ODAD2: variants seen among roughly 807,000 people sequenced by gnomAD.
The protein encoded by ODAD2 is outer dynein arm-docking complex subunit 2.
Under a neutral mutation model 106.8 loss-of-function variants are expected in ODAD2, and 89 were observed. The ratio of observed to expected loss-of-function variants is 0.83; its 90% CI spans 0.70 to 0.99. The LOEUF (loss-of-function observed/expected upper bound fraction) is 0.99. Ranked by LOEUF, ODAD2 falls within the 50% of genes least tolerant of loss-of-function variation. The probability of loss-of-function intolerance (pLI) is 0.00; values close to 1 mark genes in which losing one functional copy is unlikely to be tolerated. For synonymous variants in ODAD2, 404 were observed against 436.2 expected, an observed-to-expected ratio of 0.93 and a Z score of 0.92; for missense variants, 1,168 against 1,238.5, an observed-to-expected ratio of 0.94 and a Z score of 0.85.
intron 19 of ODAD2, among the ~76,000 whole-genome samples, chr10:27,824,135 T>G (rs1408038903): frequency 1.5e-5 from 1 of 64,722 alleles, no homozygotes; most frequent in Non-Finnish European, 2.3e-5. Flanking sequence ...CGAGACTCCG[T>G]CTCAAAAAAA....
intron 10 of ODAD2, chr10:27,957,075 C>T (rs553043152): frequency 2.0e-5 from 3 of 152,228 alleles, no homozygotes; most frequent in South Asian, 4.2e-4. Context: ...CTCCTTTAAT[C>T]TCTGGAAGTG....
intron 17 of ODAD2, among the ~76,000 whole-genome samples, chr10:27,883,139 G>T (rs1435777884): frequency 6.6e-6 from 1 of 151,922 alleles, no homozygotes; most frequent in Non-Finnish European, 1.5e-5. Context: ...ACCGCTGGCT[G>T]ACCTTGAGGT....
At chr10:27,936,951 T>G in intron 14 of ODAD2, 71 bp from the exon 15 acceptor site, 1 of 1,495,530 alleles carries the variant, frequency 6.7e-7, no homozygotes. Flanking sequence ...CTAAAAAGGC[T>G]GCCATTCTAG....
At chr10:27,815,065 T>C (rs1836025163) in intron 19 of ODAD2, among the ~76,000 whole-genome samples, 1 of 152,208 alleles carries the variant, frequency 6.6e-6, no homozygotes. Flanking sequence ...GTCTCCTTCA[T>C]AAACTCGATC....
chr10:27,849,767 A>G (rs1284581913), intron 19 of ODAD2, among the ~76,000 whole-genome samples: 1 of 152,232 alleles, frequency 6.6e-6, no homozygotes, highest in East Asian at 1.9e-4. Flanking sequence ...TAAATGTGAA[A>G]AAATAGTTCC....
At chr10:27,955,151 G>A (rs907152867) in intron 10 of ODAD2, among the ~76,000 whole-genome samples, 49 of 152,250 alleles carry the variant, frequency 3.2e-4, no homozygotes, top group African/African-American at 1.2e-3. Flanking sequence ...GAGTTGATTC[G>A]AGTGGACGAA....
intron 16 of ODAD2, among the ~76,000 whole-genome samples, chr10:27,928,573 C>T (rs1383530955): frequency 2.0e-5 from 3 of 152,060 alleles, no homozygotes; most frequent in Non-Finnish European, 2.9e-5. Context: ...CCTCAAACCT[C>T]CTTTACTGCA....
At chr10:27,961,499 C>A in intron 10 of ODAD2, 69 bp downstream of exon 10, 1 of 1,386,670 alleles carries the variant, frequency 7.2e-7, no homozygotes, top group South Asian at 1.4e-5. Flanking sequence ...AACTTGGAAG[C>A]AGCATATACA....
chr10:27,890,760 A>G (rs891655363), intron 17 of ODAD2, among the ~76,000 whole-genome samples: 2 of 108,186 alleles, frequency 1.8e-5, no homozygotes, highest in African/African-American at 7.3e-5. Context: ...AAAATCTGGT[A>G]TATATATATT....
chr10:27,942,216 GATTT>G (rs1846508563), intron 12 of ODAD2, among the ~76,000 whole-genome samples: 1 of 152,282 alleles, frequency 6.6e-6, no homozygotes, highest in African/African-American at 2.4e-5. Context: ...TTTATTCCTT[GATTT>G]AACCCACTGC....
intron 17 of ODAD2, among the ~76,000 whole-genome samples, chr10:27,877,598 G>T (rs1297980086): frequency 2.0e-5 from 3 of 152,126 alleles, no homozygotes; most frequent in Non-Finnish European, 2.9e-5. Flanking sequence ...TATGGAAAGG[G>T]AGGCAGTATA....
At chr10:27,969,793 T>C (rs1357378878) in intron 8 of ODAD2, among the ~76,000 whole-genome samples, 1 of 152,150 alleles carries the variant, frequency 6.6e-6, no homozygotes, top group Non-Finnish European at 1.5e-5. Flanking sequence ...AGGCTGCAAC[T>C]TGTAAACTAT....
chr10:27,829,068 C>T (rs1250747539), intron 19 of ODAD2, among the ~76,000 whole-genome samples: 1 of 151,454 alleles, frequency 6.6e-6, no homozygotes, highest in African/African-American at 2.4e-5. Context: ...AAAATTAGAA[C>T]AGATATTATC....
At chr10:27,822,550 G>A (rs1836694880) in intron 19 of ODAD2, among the ~76,000 whole-genome samples, 1 of 152,208 alleles carries the variant, frequency 6.6e-6, no homozygotes, top group South Asian at 2.1e-4. Flanking sequence ...CCTATGGAAT[G>A]GCTTCCCAAC....
At chr10:27,878,868 T>C (rs1456389710) in intron 17 of ODAD2, among the ~76,000 whole-genome samples, 2 of 152,060 alleles carry the variant, frequency 1.3e-5, no homozygotes, top group African/African-American at 4.8e-5. Context: ...TTAAAAAAAA[T>C]TATTGCTGTT....
At chr10:27,959,921 T>C (rs77483386) in intron 10 of ODAD2, among the ~76,000 whole-genome samples, 3,954 of 152,214 alleles carry the variant, frequency 0.026, 67 homozygotes, top group Middle Eastern at 0.051. Flanking sequence ...TGTGACATAA[T>C]TATATTGCAA....
chr10:27,892,707 T>C (rs975877394), intron 17 of ODAD2, among the ~76,000 whole-genome samples: 9 of 152,202 alleles, frequency 5.9e-5, no homozygotes, highest in Admixed American at 5.9e-4. Context: ...AATAACAAAA[T>C]AATTATAACA....
intron 19 of ODAD2, among the ~76,000 whole-genome samples, chr10:27,826,186 C>T (rs1214645279): frequency 3.3e-5 from 5 of 152,176 alleles, no homozygotes; most frequent in Non-Finnish European, 5.9e-5. Context: ...TCTACCAGTG[C>T]AGTCTCCCTG....
chr10:27,907,776 T>C lies in ODAD2; in HGVS notation c.2497A>G (p.Ile833Val), dbSNP rs1286173840. The C allele has an allele frequency of 8.7e-6, 14 of 1,609,096 alleles. No homozygotes were observed. Among genetic ancestry groups the C allele is most frequent in the Non-Finnish European group, 1.2e-5 (14 of 1,175,906 alleles). ...ACAVEPESMM[I>V]IDRLDGVRLL... ...CGAACTCCATCTAAGCGATCAATTA[T>C]CCTATCGTGGAACCCAAAATCATGA... Residue 833 changes from isoleucine (I) to valine (V), a missense_variant and splice_region_variant, in exon 17 of 20, where the codon ATA becomes GTA. Ile to Val is a conservative substitution (Grantham distance 29, BLOSUM62 3). Around this residue, in one of 3 missense-constraint regions of ODAD2, gnomAD observed 701 missense variants for 712.3 expected, o/e 0.98. Transcript: ENST00000305242.
Sources: allele counts gnomAD v4.1 joint callset (sites outside exome capture counted in the v4.1 genomes callset), GRCh38; gene constraint gnomAD v4.1.1; regional missense constraint gnomAD v4.1.1; transcripts MANE v1.5; gene names NCBI Gene and HGNC (gene_info 2026-07-23, HGNC 2026-07-21).